GALNT13: variants seen among roughly 807,000 people sequenced by gnomAD.
GALNT13 encodes the protein polypeptide N-acetylgalactosaminyltransferase 13, also known as UDP-GalNAc:polypeptide N-acetylgalactosaminyltransferase 13.
In GALNT13, 28 loss-of-function variants were observed where a neutral mutation model predicts 64.2. The observed-to-expected ratio is 0.44, with a 90% confidence interval of 0.32 to 0.60. The LOEUF (loss-of-function observed/expected upper bound fraction) is 0.60, where lower values mean the gene tolerates loss of function less well. Among genes scored for constraint, GALNT13 ranks in the 20% least tolerant of loss-of-function variants. The pLI, the probability that GALNT13 is intolerant of heterozygous loss-of-function variation, is 0.05. For missense variants in GALNT13, 577 were observed against 669.8 expected (o/e 0.86, Z 1.53); for synonymous variants, 214 against 224.6 (o/e 0.95, Z 0.42).
At position 154,328,890 on chromosome 2, in the gene GALNT13, T is replaced by C. The variant is rs72867868; in HGVS notation, c.1156+27301T>C. ...TCTGTAAATGCAATTGATGTGCTTC[T>C]GTGCAGCCATCTTGTTCATGACATT... On this transcript the variant is annotated intron_variant, in intron 9 of 12. Coordinates refer to ENST00000392825, the MANE Select transcript of GALNT13 (RefSeq NM_052917.4). Among the ~76,000 whole-genome samples the C allele has an allele frequency of 4.2e-3, 637 of 152,300 alleles. 4 individuals carry two copies. Among genetic ancestry groups the C allele is most frequent in the Non-Finnish European group, 6.1e-3 (418 of 68,004 alleles).
the GALNT13 span, among the ~76,000 whole-genome samples, chr2:153,517,226 T>C: frequency 1.3e-5 from 2 of 152,164 alleles, no homozygotes; most frequent in Non-Finnish European, 2.9e-5. Flanking sequence ...GTCTCAACCA[T>C]GAAACTGTAT....
the GALNT13 span, among the ~76,000 whole-genome samples, chr2:153,729,652 G>A: frequency 1.3e-5 from 2 of 151,978 alleles, no homozygotes; most frequent in African/African-American, 2.4e-5. Flanking sequence ...AGCAATTAAA[G>A]AGGAGAAAAT....
chr2:153,437,611 G>A, the GALNT13 span, among the ~76,000 whole-genome samples: 4 of 152,128 alleles, frequency 2.6e-5, no homozygotes, highest in African/African-American at 9.7e-5. Context: ...GATCTTTGCT[G>A]GTTTAAAGTC....
chr2:154,006,626 A>C (rs1408216405), intron 3 of GALNT13, among the ~76,000 whole-genome samples: 1 of 152,182 alleles, frequency 6.6e-6, no homozygotes, highest in Non-Finnish European at 1.5e-5. Flanking sequence ...ATATTTTTTA[A>C]ATAAAAATAA....
chr2:154,145,709 G>A (rs1290175373), intron 4 of GALNT13, among the ~76,000 whole-genome samples: 3 of 151,986 alleles, frequency 2.0e-5, no homozygotes, highest in African/African-American at 7.2e-5. Flanking sequence ...AAGAGGAGCT[G>A]TAGCATACAA....
At chr2:153,924,003 A>G (rs1021858353) in intron 2 of GALNT13, among the ~76,000 whole-genome samples, 1 of 152,054 alleles carries the variant, frequency 6.6e-6, no homozygotes, top group African/African-American at 2.4e-5. Flanking sequence ...ATAAACATAC[A>G]TGTGCATGTG....
chr2:154,188,471 C>A lies in GALNT13; in HGVS notation c.311+47966C>A, dbSNP rs557687081. Reference sequence around the variant, plus strand: ...TATCCATGCTGAATAAAAATTAAATCCATTACTAGGCCAACTGCCAGCTGA... The same window carrying A: ...TATCCATGCTGAATAAAAATTAAATACATTACTAGGCCAACTGCCAGCTGA... On this transcript the variant is annotated intron_variant, in intron 4 of 12. Transcript: ENST00000392825. 2.1e-4 allele frequency among the ~76,000 whole-genome samples: 32 copies of A among 152,208 alleles called. 2 individuals are homozygous for A. The East Asian group carries it at 4.6e-3, about 22-fold the overall frequency.
intron 8 of GALNT13, among the ~76,000 whole-genome samples, chr2:154,298,609 TA>T (rs1559075674): frequency 6.5e-4 from 3 of 4,642 alleles, no homozygotes; most frequent in Non-Finnish European, 1.6e-3. Flanking sequence ...ATGTATATAT[TA>T]ATTTATATAT....
At chr2:153,163,801 C>T in the GALNT13 span, among the ~76,000 whole-genome samples, 1 of 152,046 alleles carries the variant, frequency 6.6e-6, no homozygotes, top group Non-Finnish European at 1.5e-5. Context: ...GGGCGGATCA[C>T]GAGGTCAGGA....
At chr2:153,780,214 G>T in the GALNT13 span, among the ~76,000 whole-genome samples, 1 of 128,030 alleles carries the variant, frequency 7.8e-6, no homozygotes, top group African/African-American at 3.2e-5. Context: ...AGAATTTGAA[G>T]ATATATATAT....
intron 2 of GALNT13, among the ~76,000 whole-genome samples, chr2:153,928,914 A>G (rs1457354050): frequency 6.6e-6 from 1 of 152,158 alleles, no homozygotes; most frequent in African/African-American, 2.4e-5. Context: ...ACTGCTTTCT[A>G]AACATTCTCT....
chr2:154,165,550 T>G (rs896879134), intron 4 of GALNT13, among the ~76,000 whole-genome samples: 2 of 152,192 alleles, frequency 1.3e-5, no homozygotes, highest in African/African-American at 4.8e-5. Context: ...CTTGAATTGT[T>G]TATTAACATT....
the GALNT13 span, among the ~76,000 whole-genome samples, chr2:153,782,125 T>C: frequency 6.6e-6 from 1 of 152,202 alleles, no homozygotes; most frequent in African/African-American, 2.4e-5. Flanking sequence ...GTGACTGAAT[T>C]TGGGGGCTGA....
At chr2:153,486,381 C>T in the GALNT13 span, among the ~76,000 whole-genome samples, 1 of 151,928 alleles carries the variant, frequency 6.6e-6, no homozygotes, top group Non-Finnish European at 1.5e-5. Flanking sequence ...GGAAAAATAA[C>T]CGAGGTTGTG....
chr2:154,333,361 TTAAA>T (rs1478564406), intron 9 of GALNT13, among the ~76,000 whole-genome samples: 1 of 152,084 alleles, frequency 6.6e-6, no homozygotes, highest in Non-Finnish European at 1.5e-5. Flanking sequence ...ATTAAAATAG[TTAAA>T]TATTTTATTG....
At chr2:154,239,979 C>A (rs538119260) in intron 4 of GALNT13, among the ~76,000 whole-genome samples, 2 of 152,204 alleles carry the variant, frequency 1.3e-5, no homozygotes, top group South Asian at 4.2e-4. Context: ...CATGCATTAA[C>A]CCATTCATAA....
chr2:154,207,312 C>T (rs895704532), intron 4 of GALNT13, among the ~76,000 whole-genome samples: 9 of 152,178 alleles, frequency 5.9e-5, no homozygotes, highest in African/African-American at 1.9e-4. Flanking sequence ...TCTCCACTTG[C>T]CTTTGCTGTC....
At chr2:153,198,255 C>G in the GALNT13 span, among the ~76,000 whole-genome samples, 1 of 152,128 alleles carries the variant, frequency 6.6e-6, no homozygotes, top group Non-Finnish European at 1.5e-5. Context: ...CACTCTGAAG[C>G]CAGTGCTCTT....
intron 4 of GALNT13, among the ~76,000 whole-genome samples, chr2:154,239,189 A>G (rs979147668): frequency 6.6e-6 from 1 of 152,190 alleles, no homozygotes; most frequent in Non-Finnish European, 1.5e-5. Context: ...ATCACAAAGT[A>G]AAGCTTGGTA....
Sources: allele counts gnomAD v4.1 joint callset (sites outside exome capture counted in the v4.1 genomes callset), GRCh38; gene constraint gnomAD v4.1.1; transcripts MANE v1.5; gene names NCBI Gene and HGNC (gene_info 2026-07-23, HGNC 2026-07-21).